FER1L6: variants seen among roughly 807,000 people sequenced by gnomAD.
The protein encoded by FER1L6 is fer-1 like family member 6, also known as fer-1-like protein 6.
Under a neutral mutation model 219.2 loss-of-function variants are expected in FER1L6, and 177 were observed. The observed-to-expected ratio is 0.81, with a 90% CI of 0.71 to 0.91. FER1L6 has a LOEUF of 0.91. FER1L6 is among the 40% of genes least tolerant of loss of function. The pLI, the probability that FER1L6 is intolerant of heterozygous loss-of-function variation, is 0.00. For synonymous variants in FER1L6, 768 were observed against 824.3 expected (o/e 0.93, Z 1.17); for missense variants, 2,153 against 2,259.9 (o/e 0.95, Z 0.96).
At chr8:123,932,632 G>A (rs886647023) in intron 1 of FER1L6, among the ~76,000 whole-genome samples, 13 of 152,104 alleles carry the variant, frequency 8.5e-5, no homozygotes, top group African/African-American at 3.1e-4. Context: ...GGTGGGGGGA[G>A]GACTGGGCAA....
chr8:123,983,534 G>A (rs1024694120), intron 11 of FER1L6, among the ~76,000 whole-genome samples: 2 of 152,152 alleles, frequency 1.3e-5, no homozygotes, highest in African/African-American at 2.4e-5. Flanking sequence ...GCTTTAAGGA[G>A]GTACAGATAA....
intron 39 of FER1L6, among the ~76,000 whole-genome samples, chr8:124,115,811 C>T (rs893493996): frequency 6.6e-6 from 1 of 152,296 alleles, no homozygotes; most frequent in African/African-American, 2.4e-5. Context: ...CCCAAGATCA[C>T]ACAGCTAGTA....
At chr8:123,865,297 G>C (rs1179304480) in intron 1 of FER1L6, among the ~76,000 whole-genome samples, 240 of 143,148 alleles carry the variant, frequency 1.7e-3, no homozygotes, top group East Asian at 3.7e-3. Context: ...CTGCTCAGGG[G>C]TCAGGGGTCA....
chr8:124,041,755 C>A lies in FER1L6; in HGVS notation c.2589+1749C>A, dbSNP rs532818088. On this transcript the variant is annotated intron_variant, in intron 20 of 40. Coordinates refer to ENST00000522917, the MANE Select transcript of FER1L6 (RefSeq NM_001039112.2). The stretch of plus-strand genomic sequence containing the variant: ...GTGACTGAGCATAAAAATGAGAAGA[C>A]AACAGACTGCTTTCTCTTTCCTGTG... Among the ~76,000 whole-genome samples the A allele has an allele frequency of 1.1e-4, 17 of 152,300 alleles. No homozygotes were observed. The South Asian group carries it at 1.2e-3, about 11-fold the overall frequency.
chr8:124,023,099 T>C (rs1008605953), intron 17 of FER1L6, among the ~76,000 whole-genome samples: 8 of 152,078 alleles, frequency 5.3e-5, no homozygotes, highest in African/African-American at 1.9e-4. Flanking sequence ...TATTTTTTAG[T>C]AGAGATGTGG....
chr8:124,102,337 T>C (rs561845274), intron 38 of FER1L6, among the ~76,000 whole-genome samples: 3 of 152,260 alleles, frequency 2.0e-5, no homozygotes, highest in African/African-American at 7.2e-5. Context: ...GAATATCTAA[T>C]GAATTGGAAA....
intron 32 of FER1L6, among the ~76,000 whole-genome samples, chr8:124,081,898 A>G (rs971546812): frequency 1.3e-5 from 2 of 152,232 alleles, no homozygotes; most frequent in Admixed American, 6.5e-5. Flanking sequence ...ATACTCATTT[A>G]TAATATGGAG....
At chr8:124,043,779 G>A (rs890911601) in intron 20 of FER1L6, among the ~76,000 whole-genome samples, 5 of 152,224 alleles carry the variant, frequency 3.3e-5, no homozygotes, top group South Asian at 2.1e-4. Context: ...GAATGAGGAC[G>A]AAGTTACCTT....
chr8:123,989,317 G>A (rs752495205), intron 12 of FER1L6, among the ~76,000 whole-genome samples: 5 of 152,010 alleles, frequency 3.3e-5, no homozygotes, highest in Non-Finnish European at 1.5e-5. Flanking sequence ...TGGTTTCAGG[G>A]TAATACTGGC....
chr8:123,886,898 C>T (rs368497272), intron 1 of FER1L6, among the ~76,000 whole-genome samples: 30 of 152,190 alleles, frequency 2.0e-4, no homozygotes, highest in African/African-American at 6.0e-4. Context: ...ATGCAAATAT[C>T]GAAACTGACC....
In FER1L6 at chr8:123,956,966, T is replaced by G. The variant is rs75468104; in HGVS notation, c.76+892T>G. On this transcript the variant is annotated intron_variant, in intron 2 of 40. Coordinates refer to ENST00000522917, the MANE Select transcript of FER1L6 (RefSeq NM_001039112.2). ...ATCCTCAGTGTTTATTGAATTAAAT[T>G]GGATCAGTGGTTTCCAAGTGGACAG... 6.0e-4 allele frequency among the ~76,000 whole-genome samples: 92 copies of G among 152,324 alleles called. 2 individuals are homozygous for G. The East Asian group carries it at 0.017, about 28-fold the overall frequency.
intron 33 of FER1L6, among the ~76,000 whole-genome samples, chr8:124,089,300 C>T (rs1821919030): frequency 6.6e-6 from 1 of 152,160 alleles, no homozygotes; most frequent in Non-Finnish European, 1.5e-5. Flanking sequence ...CACTGAGTTC[C>T]AATCCGAAGT....
intron 17 of FER1L6, 123 bp from the exon 18 acceptor site, chr8:124,023,321 C>T: frequency 5.3e-6 from 5 of 943,690 alleles, no homozygotes; most frequent in Non-Finnish European, 8.0e-6. Flanking sequence ...TGGTGTCAGT[C>T]ACAGCATTTG....
chr8:124,089,352 C>T (rs1207510036), intron 33 of FER1L6, among the ~76,000 whole-genome samples: 1 of 151,870 alleles, frequency 6.6e-6, no homozygotes, highest in Non-Finnish European at 1.5e-5. Context: ...TGCACAGATC[C>T]TCTCTCCATG....
At chr8:124,004,004 A>T in intron 13 of FER1L6, among the ~76,000 whole-genome samples, 1 of 150,066 alleles carries the variant, frequency 6.7e-6, no homozygotes, top group African/African-American at 2.4e-5. Flanking sequence ...AAATCCTCTT[A>T]TTATATTCAT....
intron 39 of FER1L6, among the ~76,000 whole-genome samples, chr8:124,116,186 C>T (rs1466010849): frequency 6.6e-6 from 1 of 152,230 alleles, no homozygotes; most frequent in Non-Finnish European, 1.5e-5. Context: ...GCAAATATCA[C>T]CAAGCCTTGG....
chr8:124,055,142 A>C (rs1820226788), intron 22 of FER1L6, among the ~76,000 whole-genome samples: 1 of 152,202 alleles, frequency 6.6e-6, no homozygotes, highest in South Asian at 2.1e-4. Context: ...TCATAGACTC[A>C]CAGTAAAATA....
chr8:123,955,577 T>C (rs1814976372), intron 1 of FER1L6, among the ~76,000 whole-genome samples: 1 of 152,206 alleles, frequency 6.6e-6, no homozygotes, highest in Admixed American at 6.5e-5. Context: ...TGTGTGACCT[T>C]AGAAACATTG....
chr8:124,082,391 A>G lies in FER1L6; in HGVS notation c.4324A>G (p.Ile1442Val), dbSNP rs945007160. ...AGATGACCTTATTGGTGAGACCAAGATCGACCTGGAGAACCGCTTCTACAG... is the reference window on the plus strand; with the variant it reads ...AGATGACCTTATTGGTGAGACCAAGGTCGACCTGGAGAACCGCTTCTACAG... Reference protein sequence around the residue: ...GTDDLIGETKIDLENRFYSKH... With the variant: ...GTDDLIGETKVDLENRFYSKH... The change falls in exon 33 of 41, where the codon ATC becomes GTC. Residue 1442 changes from isoleucine (I) to valine (V), a missense_variant. Coordinates refer to ENST00000522917, the MANE Select transcript of FER1L6 (RefSeq NM_001039112.2). The G allele has an allele frequency of 6.2e-7, 1 of 1,614,124 alleles. No homozygotes were observed.
Sources: allele counts gnomAD v4.1 joint callset (sites outside exome capture counted in the v4.1 genomes callset), GRCh38; gene constraint gnomAD v4.1.1; transcripts MANE v1.5; gene names NCBI Gene and HGNC (gene_info 2026-07-23, HGNC 2026-07-21).